MAP4K4: variants seen among roughly 807,000 people sequenced by gnomAD.
MAP4K4 encodes the protein mitogen-activated protein kinase kinase kinase kinase 4.
Under a neutral mutation model 189.6 loss-of-function variants are expected in MAP4K4, and 38 were observed. The ratio of observed to expected loss-of-function variants is 0.20; its 90% CI spans 0.15 to 0.26. The LOEUF (loss-of-function observed/expected upper bound fraction) is 0.26. Among genes scored for constraint, MAP4K4 ranks in the 10% least tolerant of loss-of-function variants. MAP4K4 has a pLI of 1.00. For missense variants in MAP4K4, 1,054 were observed against 1,726.9 expected (o/e 0.61, Z 6.91); for synonymous variants, 610 against 624.3 (o/e 0.98, Z 0.34).
At chr2:101,776,655 C>T (rs1413196792) in intron 2 of MAP4K4, among the ~76,000 whole-genome samples, 1 of 126,056 alleles carries the variant, frequency 7.9e-6, no homozygotes, top group Non-Finnish European at 1.5e-5. Context: ...GATTTATTGC[C>T]AGGGAGAAGA....
rs58201235 is a variant in MAP4K4, at chr2:101,797,889, G to GTTTTTTTTTTTTTTTTT, written c.180+7118_180+7134dup. Among the ~76,000 whole-genome samples, 92 of 52,318 alleles carry GTTTTTTTTTTTTTTTTT rather than the reference G, an allele frequency of 1.8e-3. 6 individuals carry two copies. Among genetic ancestry groups the GTTTTTTTTTTTTTTTTT allele is most frequent in the Middle Eastern group, 0.016 (1 of 64 alleles). 34.3% of individuals were successfully genotyped at this position (52,318 alleles called of 152,430 possible). ...TGAAGCTTTTTAAAACATTCTTTTA[G>GTTTTTTTTTTTTTTTTT]TTTTTTTTTTTTTTTTTTTTTGGAG... On this transcript the variant is annotated intron_variant, in intron 3 of 32. Coordinates refer to ENST00000324219, the Ensembl canonical transcript of MAP4K4.
chr2:101,746,988 G>A (rs781147517), intron 2 of MAP4K4, among the ~76,000 whole-genome samples: 9 of 152,218 alleles, frequency 5.9e-5, no homozygotes, highest in Non-Finnish European at 1.0e-4. Flanking sequence ...CTACTCTTTC[G>A]CTCAGATGCA....
rs1466173973 is a variant in MAP4K4 at position 101,893,154 on chromosome 2, C to G, written c.*1905C>G. Reference sequence around the variant, plus strand: ...GTCAGTTTCCTGTTCCTGGTTCCATCTTTTTGAAAAAGGCCCTCCTTTGAG... The same window carrying G: ...GTCAGTTTCCTGTTCCTGGTTCCATGTTTTTGAAAAAGGCCCTCCTTTGAG... On this transcript the variant is annotated 3_prime_UTR_variant, in exon 33 of 33. Transcript: ENST00000324219. 3 of 456,352 alleles carry G rather than the reference C, an allele frequency of 6.6e-6. No individual in the cohort carries two copies. The East Asian group carries it at 2.1e-4, about 31-fold the overall frequency. 28.3% of individuals were successfully genotyped at this position (456,352 alleles called of 1,614,324 possible). A position where few individuals can be genotyped will look rare whatever the true frequency, so the allele number is the denominator to read the frequency against.
At chr2:101,801,785 A>G (rs1349717560) in intron 3 of MAP4K4, among the ~76,000 whole-genome samples, 2 of 152,150 alleles carry the variant, frequency 1.3e-5, no homozygotes, top group Non-Finnish European at 2.9e-5. Flanking sequence ...CAGCATCTCT[A>G]CTTGGAAGTC....
At chr2:101,782,265 T>A (rs1008255909) in intron 2 of MAP4K4, among the ~76,000 whole-genome samples, 8 of 152,210 alleles carry the variant, frequency 5.3e-5, no homozygotes, top group African/African-American at 1.9e-4. Flanking sequence ...TTAGGTAAAG[T>A]CTTACCATAT....
chr2:101,747,523 G>A (rs1199438060), intron 2 of MAP4K4, among the ~76,000 whole-genome samples: 2 of 152,128 alleles, frequency 1.3e-5, no homozygotes, highest in African/African-American at 4.8e-5. Context: ...TTTCAAGGGT[G>A]GAGTAATTAA....
chr2:101,826,359 T>G (rs1307728884), intron 5 of MAP4K4, among the ~76,000 whole-genome samples: 1 of 152,160 alleles, frequency 6.6e-6, no homozygotes, highest in East Asian at 1.9e-4. Context: ...GTTTAATTTT[T>G]TTTTATTTAG....
chr2:101,861,079 C>A (rs935904641), intron 16 of MAP4K4, 93 bp downstream of exon 16: 1 of 1,195,416 alleles, frequency 8.4e-7, no homozygotes, highest in Non-Finnish European at 1.1e-6. Flanking sequence ...TAGTTTGTCA[C>A]CACACTGAAA....
chr2:101,877,262 C>T, intron 27 of MAP4K4, 116 bp downstream of exon 27: 1 of 991,476 alleles, frequency 1.0e-6, no homozygotes, highest in South Asian at 1.6e-5. Flanking sequence ...AAGGTACAAC[C>T]ACATTGAGAC....
At chr2:101,729,796 T>C (rs2057584426) in intron 2 of MAP4K4, among the ~76,000 whole-genome samples, 2 of 152,156 alleles carry the variant, frequency 1.3e-5, no homozygotes, top group African/African-American at 4.8e-5. Flanking sequence ...CAAAGGTCCT[T>C]CTCTGGTGAA....
At chr2:101,891,218 C>T (rs1416433397) in exon 33 of MAP4K4, 4 of 1,613,844 alleles carry the variant, frequency 2.5e-6, no homozygotes, top group Non-Finnish European at 3.4e-6. Context: ...TATTTCATGA[C>T]CTTAGGCAGG....
At position 101,802,771 on chromosome 2, in the gene MAP4K4, T is replaced by C. The variant is rs565781589; in HGVS notation, c.180+11995T>C. ...CTCCCAAGAATATAACCTCCATACA[T>C]AGTGACAATGATCTTTGTCTGTTTT... On this transcript the variant is annotated intron_variant, in intron 3 of 32. Coordinates refer to ENST00000324219, the Ensembl canonical transcript of MAP4K4. Among the ~76,000 whole-genome samples, 23 of 152,130 alleles carry C rather than the reference T, an allele frequency of 1.5e-4. No homozygotes were observed. The South Asian group carries it at 3.9e-3, about 26-fold the overall frequency.
In MAP4K4 at chr2:101,887,772, C is replaced by A. The variant is rs1388787605; in HGVS notation, c.3772-6C>A. 1 of 1,602,678 alleles carries A rather than the reference C, an allele frequency of 6.2e-7. No individual in the cohort carries two copies. Among genetic ancestry groups the A allele is most frequent in the Non-Finnish European group, 8.5e-7 (1 of 1,174,228 alleles). Reference sequence around the variant, plus strand: ...TTCTTCCCTGTACTTTGTTCCTGTTCTCTAGATCCAGTGTAGCATCAAACC... The same window carrying A: ...TTCTTCCCTGTACTTTGTTCCTGTTATCTAGATCCAGTGTAGCATCAAACC... On this transcript the variant is annotated splice_region_variant and splice_polypyrimidine_tract_variant and intron_variant, in intron 30 of 32. Transcript: ENST00000324219.
At chr2:101,723,455 A>T (rs1574265059) in intron 2 of MAP4K4, among the ~76,000 whole-genome samples, 1 of 152,312 alleles carries the variant, frequency 6.6e-6, no homozygotes, top group Admixed American at 6.5e-5. Flanking sequence ...TAGATAAAGT[A>T]GGTTCTAATT....
At position 101,830,801 on chromosome 2, in the gene MAP4K4, G is replaced by A. The variant is rs115144415; in HGVS notation, c.509-920G>A. Among the ~76,000 whole-genome samples, 1,286 of 152,266 alleles carry A rather than the reference G, an allele frequency of 8.4e-3. 17 individuals carry two copies. Among genetic ancestry groups the A allele is most frequent in the African/African-American group, 0.03 (1,236 of 41,540 alleles). On this transcript the variant is annotated intron_variant, in intron 6 of 32. Transcript: ENST00000324219. The stretch of plus-strand genomic sequence containing the variant: ...TTACCATTGCCTTCCAAGTTGCTGT[G>A]ATGCTCGCTTAGGCTTCCTGCACTG...
At position 101,790,796 on chromosome 2, in the gene MAP4K4, A is replaced by G. The variant is rs1348764598; in HGVS notation, c.180+20A>G. The G allele has an allele frequency of 2.3e-5, 36 of 1,582,660 alleles. No individual in the cohort carries two copies. Among genetic ancestry groups the G allele is most frequent in the Non-Finnish European group, 3.1e-5 (36 of 1,155,910 alleles). ...ACTGAGGTAAGATTGAGTCACACAC[A>G]TTTTTAAATAATGTTAGATGGAAGA... is the stretch of plus-strand genomic sequence containing the variant. On this transcript the variant is annotated intron_variant, in intron 3 of 32. Coordinates refer to ENST00000324219, the Ensembl canonical transcript of MAP4K4.
chr2:101,890,596 C>G (rs912428846), intron 32 of MAP4K4, among the ~76,000 whole-genome samples: 5 of 151,986 alleles, frequency 3.3e-5, no homozygotes, highest in Non-Finnish European at 7.4e-5. Flanking sequence ...GCTGGGATTA[C>G]AGGAGCCCAC....
At chr2:101,782,328 T>C (rs1394430953) in intron 2 of MAP4K4, among the ~76,000 whole-genome samples, 1 of 152,196 alleles carries the variant, frequency 6.6e-6, no homozygotes, top group African/African-American at 2.4e-5. Flanking sequence ...TGCCTGCAAT[T>C]GAGGTATAAT....
chr2:101,775,690 C>G (rs999990545), intron 2 of MAP4K4, among the ~76,000 whole-genome samples: 1 of 152,058 alleles, frequency 6.6e-6, no homozygotes, highest in Admixed American at 6.6e-5. Flanking sequence ...TTCTCGAAGC[C>G]CAGGAAAAGG....
Sources: allele counts gnomAD v4.1 joint callset (sites outside exome capture counted in the v4.1 genomes callset), GRCh38; gene constraint gnomAD v4.1.1; transcripts MANE v1.5; gene names NCBI Gene and HGNC (gene_info 2026-07-23, HGNC 2026-07-21).